CORIN: variants seen among roughly 807,000 people sequenced by gnomAD.
CORIN encodes the protein corin, serine peptidase.
A neutral mutation model predicts 125.3 loss-of-function variants in CORIN; 117 were observed. The ratio of observed to expected loss-of-function variants is 0.93; its 90% CI spans 0.80 to 1.09. CORIN has a LOEUF of 1.09. Among genes scored for constraint, CORIN ranks in the 50% least tolerant of loss-of-function variants. The pLI, the probability that CORIN is intolerant of heterozygous loss-of-function variation, is 0.00. For missense variants in CORIN, 1,253 were observed against 1,306.7 expected (o/e 0.96, Z 0.63); for synonymous variants, 450 against 466.4 (o/e 0.96, Z 0.45).
chr4:47,707,400 C>T (rs1021530900), intron 5 of CORIN, among the ~76,000 whole-genome samples: 33 of 152,124 alleles, frequency 2.2e-4, no homozygotes, highest in African/African-American at 6.8e-4. Context: ...TGGTATAATT[C>T]GAAGGAATCC....
intron 1 of CORIN, chr4:47,837,415 C>T: frequency 4.1e-6 from 1 of 243,844 alleles, no homozygotes. Context: ...TCCAGCCACC[C>T]GGCGCCCGAG....
At chr4:47,743,463 T>G (rs1201252014) in intron 5 of CORIN, among the ~76,000 whole-genome samples, 4 of 152,236 alleles carry the variant, frequency 2.6e-5, no homozygotes, top group African/African-American at 9.6e-5. Context: ...TGAAAAAGAC[T>G]GACAATGCTA....
chr4:47,692,021 ATAACCCTTAAAG>A (rs934590487), intron 6 of CORIN, among the ~76,000 whole-genome samples: 6 of 151,882 alleles, frequency 4.0e-5, no homozygotes, highest in African/African-American at 1.5e-4. Context: ...GGCTGTTTAT[ATAACCCTTAAAG>A]AACAATTAGA....
At chr4:47,647,253 G>T (rs12506538) in intron 13 of CORIN, among the ~76,000 whole-genome samples, 1 of 152,268 alleles carries the variant, frequency 6.6e-6, no homozygotes, top group Admixed American at 6.5e-5. Flanking sequence ...CATTCTACCA[G>T]AGAGCAAAAG....
intron 1 of CORIN, among the ~76,000 whole-genome samples, chr4:47,835,290 G>A (rs1733333534): frequency 2.6e-5 from 4 of 152,182 alleles, no homozygotes; most frequent in Non-Finnish European, 5.9e-5. Flanking sequence ...TAGTGATGGG[G>A]CTAACAGGAT....
At chr4:47,674,353 C>A (rs1230468268) in intron 10 of CORIN, 40 bp downstream of exon 10, 1 of 1,322,616 alleles carries the variant, frequency 7.6e-7, no homozygotes, top group African/African-American at 1.5e-5. Context: ...TGAATGCATG[C>A]CCTGACATGG....
chr4:47,815,551 C>A (rs1182405492), intron 1 of CORIN, among the ~76,000 whole-genome samples: 1 of 152,026 alleles, frequency 6.6e-6, no homozygotes, highest in Non-Finnish European at 1.5e-5. Context: ...TAAATAGGAT[C>A]CTGTGTCCTT....
intron 2 of CORIN, among the ~76,000 whole-genome samples, chr4:47,804,301 T>G (rs2109947303): frequency 6.6e-6 from 1 of 152,306 alleles, no homozygotes; most frequent in East Asian, 1.9e-4. Context: ...GTTTGGACAT[T>G]CCTCAAAAAA....
At chr4:47,792,975 A>G (rs888485194) in intron 2 of CORIN, among the ~76,000 whole-genome samples, 2 of 152,232 alleles carry the variant, frequency 1.3e-5, no homozygotes, top group African/African-American at 4.8e-5. Context: ...AGTCTAGCCA[A>G]TCTTGACTAA....
chr4:47,633,667 A>G (rs1481734965), intron 16 of CORIN, among the ~76,000 whole-genome samples: 2 of 152,196 alleles, frequency 1.3e-5, no homozygotes, highest in African/African-American at 2.4e-5. Context: ...ACAGAAATGC[A>G]ACATTTTATT....
intron 3 of CORIN, among the ~76,000 whole-genome samples, chr4:47,765,997 T>C (rs2109876259): frequency 6.6e-6 from 1 of 152,348 alleles, no homozygotes; most frequent in South Asian, 2.1e-4. Flanking sequence ...GATGAATATA[T>C]TTTATTCTAC....
At chr4:47,649,256 A>C (rs928028214) in intron 13 of CORIN, among the ~76,000 whole-genome samples, 3 of 152,216 alleles carry the variant, frequency 2.0e-5, no homozygotes, top group Non-Finnish European at 4.4e-5. Flanking sequence ...TAATCCTAAA[A>C]AGAGAGAACA....
intron 12 of CORIN, among the ~76,000 whole-genome samples, chr4:47,657,737 A>G (rs185323534): frequency 1.6e-3 from 243 of 151,998 alleles, no homozygotes; most frequent in African/African-American, 5.6e-3. Flanking sequence ...CAAGAGAGAG[A>G]GAGAGTTGGA....
At chr4:47,797,635 C>CA (rs1731356289) in intron 2 of CORIN, among the ~76,000 whole-genome samples, 1 of 151,974 alleles carries the variant, frequency 6.6e-6, no homozygotes. Flanking sequence ...TAATGTGAGA[C>CA]AAAATGCATG....
intron 4 of CORIN, among the ~76,000 whole-genome samples, chr4:47,754,597 T>G (rs548093601): frequency 6.6e-6 from 1 of 152,204 alleles, no homozygotes; most frequent in African/African-American, 2.4e-5. Context: ...TTCTATTTTC[T>G]ACCATGAACT....
rs542869300 is a variant in CORIN at position 47,619,706 on chromosome 4, A to C, written c.2540+3865T>G. Among the ~76,000 whole-genome samples, 9 of 152,344 alleles carry C rather than the reference A, an allele frequency of 5.9e-5. No homozygotes were observed. In the South Asian group the frequency reaches 1.9e-3, roughly 32 times the overall value. ...TTTACAGATCTGTCAGTGAAAGAGG[A>C]AACTTGGATACCACATGTGGAAATA... On this transcript the variant is annotated intron_variant, in intron 19 of 21. Coordinates refer to ENST00000273857, the MANE Select transcript of CORIN (RefSeq NM_006587.4).
At chr4:47,612,480 T>C (rs1470460961) in intron 19 of CORIN, among the ~76,000 whole-genome samples, 3 of 152,196 alleles carry the variant, frequency 2.0e-5, no homozygotes, top group Non-Finnish European at 4.4e-5. Context: ...GTCTCATTAG[T>C]ATACAATCTC....
intron 6 of CORIN, among the ~76,000 whole-genome samples, chr4:47,692,036 C>G (rs1278688086): frequency 6.6e-6 from 1 of 150,826 alleles, no homozygotes; most frequent in Non-Finnish European, 1.5e-5. Context: ...CCTTAAAGAA[C>G]AATTAGAACT....
In CORIN at chr4:47,806,889, A is replaced by G. The variant is rs973235822; in HGVS notation, c.208+14T>C. The G allele has an allele frequency of 2.9e-5, 47 of 1,601,514 alleles. No homozygotes were observed. The highest frequency in any genetic ancestry group is 3.7e-5 in the Non-Finnish European group (44 of 1,175,984). ...ACTTTAACTTCATTTTTATTTAATA[A>G]TGGCCTCACCCACCAACATAGGAAA... On this transcript the variant is annotated intron_variant, in intron 2 of 21. Transcript: ENST00000273857.
Sources: gnomAD v4.1 joint callset for allele counts (sites outside exome capture counted in the v4.1 genomes callset) on GRCh38, gnomAD v4.1.1 for gene constraint, MANE v1.5 for transcripts, NCBI Gene and HGNC (gene_info 2026-07-23, HGNC 2026-07-21) for gene names.